CAB39L: variants seen among roughly 807,000 people sequenced by gnomAD.
The protein encoded by CAB39L is calcium-binding protein 39-like.
A neutral mutation model predicts 39.1 loss-of-function variants in CAB39L; 23 were observed. The ratio of observed to expected loss-of-function variants is 0.59; its 90% CI spans 0.42 to 0.83. CAB39L has a LOEUF of 0.83. CAB39L is among the 40% of genes least tolerant of loss of function. CAB39L has a pLI of 0.00. For synonymous variants in CAB39L, 126 were observed against 137.2 expected (o/e 0.92, Z 0.57); for missense variants, 366 against 391.9 (o/e 0.93, Z 0.56).
intron 10 of CAB39L, among the ~76,000 whole-genome samples, chr13:49,325,291 T>A (rs955446484): frequency 1.2e-4 from 19 of 152,246 alleles, no homozygotes; most frequent in Non-Finnish European, 2.5e-4. Context: ...TAAAGCTGAA[T>A]GTTCGACACC....
intron 3 of CAB39L, among the ~76,000 whole-genome samples, chr13:49,392,362 C>A (rs1334647651): frequency 7.1e-6 from 1 of 140,810 alleles, no homozygotes; most frequent in South Asian, 2.4e-4. Flanking sequence ...AACAGAGGAA[C>A]AGGCGGTGGT....
At chr13:49,343,729 A>AT (rs1007759100) in intron 8 of CAB39L, among the ~76,000 whole-genome samples, 2 of 152,126 alleles carry the variant, frequency 1.3e-5, no homozygotes, top group African/African-American at 4.8e-5. Context: ...CTAAAGAGTC[A>AT]TATTTCAACC....
intron 5 of CAB39L, among the ~76,000 whole-genome samples, chr13:49,364,347 G>A (rs570191703): frequency 2.0e-5 from 3 of 152,236 alleles, no homozygotes; most frequent in Non-Finnish European, 4.4e-5. Flanking sequence ...GCTAAAGTGA[G>A]AGACAGATCC....
intron 4 of CAB39L, 51 bp downstream of exon 4, chr13:49,382,749 G>A: frequency 9.2e-7 from 1 of 1,089,706 alleles, no homozygotes; most frequent in Non-Finnish European, 1.4e-6. Context: ...ATTGGTTTTT[G>A]GCATTGCGAT....
chr13:49,360,822 C>T (rs1955610747), intron 5 of CAB39L, among the ~76,000 whole-genome samples: 1 of 152,120 alleles, frequency 6.6e-6, no homozygotes, highest in South Asian at 2.1e-4. Flanking sequence ...CTTCCTTCTC[C>T]TGCTGCCATG....
At chr13:49,397,024 T>C (rs1956653168) in intron 3 of CAB39L, among the ~76,000 whole-genome samples, 1 of 152,172 alleles carries the variant, frequency 6.6e-6, no homozygotes, top group South Asian at 2.1e-4. Context: ...TAATTTAGAA[T>C]TGCCTTCACA....
In CAB39L at chr13:49,358,004, T is replaced by G. The variant is rs138409879; in HGVS notation, c.395+1710A>C. ...ACCTTTCTGTGGGCCGAAATGGCAA[T>G]GAACAAAGTGATCTTAGATAGCACA... is the stretch of plus-strand genomic sequence containing the variant. On this transcript the variant is annotated intron_variant, in intron 6 of 10. Transcript: ENST00000409308. 1.1e-3 allele frequency among the ~76,000 whole-genome samples: 167 copies of G among 152,322 alleles called. No individual in the cohort carries two copies. The Middle Eastern group carries it at 0.014, about 12-fold the overall frequency.
At chr13:49,443,906 T>G in intron 1 of CAB39L, 80 bp downstream of exon 1, 1 of 456,728 alleles carries the variant, frequency 2.2e-6, no homozygotes, top group Admixed American at 2.3e-5. Context: ...ACCCCTCCAC[T>G]ACGGCCAGGC....
intron 10 of CAB39L, among the ~76,000 whole-genome samples, chr13:49,329,545 AT>A (rs59983300): frequency 0.21 from 17,698 of 83,330 alleles, 3,045 homozygotes; most frequent in East Asian, 0.38. Context: ...AAAAAAAAAA[AT>A]ATATATATAT....
chr13:49,323,936 AT>A (rs1954427793), intron 10 of CAB39L, among the ~76,000 whole-genome samples: 1 of 152,148 alleles, frequency 6.6e-6, no homozygotes, highest in Non-Finnish European at 1.5e-5. Context: ...TCAAATTCAA[AT>A]TGAATGGGGC....
intron 10 of CAB39L, among the ~76,000 whole-genome samples, chr13:49,326,848 C>T (rs1388597235): frequency 1.3e-5 from 2 of 152,112 alleles, no homozygotes; most frequent in Non-Finnish European, 2.9e-5. Context: ...CTGTTTCCTT[C>T]TATATATAAT....
rs1470599391 is a variant in CAB39L at position 49,433,390 on chromosome 13, G to A, written c.-104C>T. 2.2e-6 allele frequency: 1 copy of A among 452,092 alleles called. No individual in the cohort carries two copies. The highest frequency in any genetic ancestry group is 4.4e-6 in the Non-Finnish European group (1 of 225,900). The allele number at this position is 452,092 out of a possible 1,614,324, so 28.0% of individuals were successfully genotyped here. On this transcript the variant is annotated 5_prime_UTR_variant, in exon 3 of 11. Coordinates refer to ENST00000409308, the MANE Select transcript of CAB39L (RefSeq NM_001079670.3). ...TTCACCAAAGTCACTGATCACCACA[G>A]CTTCTGACAAAAAGAAAAGCTTTAA...
intron 5 of CAB39L, among the ~76,000 whole-genome samples, chr13:49,365,588 C>A (rs563236297): frequency 6.6e-6 from 1 of 152,184 alleles, no homozygotes; most frequent in East Asian, 1.9e-4. Context: ...ATCAAAACTA[C>A]AACGAGATAT....
chr13:49,433,967 T>C, intron 2 of CAB39L, 119 bp downstream of exon 2: 1 of 336,302 alleles, frequency 3.0e-6, no homozygotes, highest in Non-Finnish European at 5.8e-6. Context: ...ACTCCACCAC[T>C]TTTAGTTCGC....
At chr13:49,440,715 A>AGT (rs56314282) in intron 1 of CAB39L, among the ~76,000 whole-genome samples, 5,085 of 135,446 alleles carry the variant, frequency 0.038, 156 homozygotes, top group South Asian at 0.072. Flanking sequence ...ATTCCTAGGC[A>AGT]GTGTGTGTGT....
intron 10 of CAB39L, among the ~76,000 whole-genome samples, chr13:49,328,475 C>T (rs1829189091): frequency 6.6e-6 from 1 of 152,110 alleles, no homozygotes; most frequent in African/African-American, 2.4e-5. Context: ...ACATTCTATC[C>T]TGTCTTTTCA....
chr13:49,378,968 T>G (rs1456174920), intron 4 of CAB39L, among the ~76,000 whole-genome samples: 1 of 19,860 alleles, frequency 5.0e-5, no homozygotes, highest in Non-Finnish European at 1.1e-4. Flanking sequence ...CCGCCCCTAC[T>G]GGGAAGTGAG....
chr13:49,388,690 G>A (rs982972570), intron 3 of CAB39L, among the ~76,000 whole-genome samples: 4 of 152,118 alleles, frequency 2.6e-5, no homozygotes, highest in African/African-American at 9.7e-5. Context: ...CCTGTATATT[G>A]TTGGCAGAAC....
At chr13:49,427,644 G>C (rs1957263677) in intron 3 of CAB39L, among the ~76,000 whole-genome samples, 1 of 152,108 alleles carries the variant, frequency 6.6e-6, no homozygotes, top group Non-Finnish European at 1.5e-5. Flanking sequence ...AGCTGTGATA[G>C]CATCACTGCA....
Sources: gnomAD v4.1 joint callset for allele counts (sites outside exome capture counted in the v4.1 genomes callset) on GRCh38, gnomAD v4.1.1 for gene constraint, MANE v1.5 for transcripts, NCBI Gene and HGNC (gene_info 2026-07-23, HGNC 2026-07-21) for gene names.